The following PTPRN2 variants were observed in gnomAD, a reference collection of about 807,000 sequenced individuals.
The protein encoded by PTPRN2 is protein tyrosine phosphatase receptor type N2.
A neutral mutation model predicts 118.8 loss-of-function variants in PTPRN2; 74 were observed. That is an observed-to-expected ratio of 0.62 (90% confidence interval 0.52 to 0.76). The LOEUF (loss-of-function observed/expected upper bound fraction) is 0.76, where lower values mean the gene tolerates loss of function less well. PTPRN2 is among the 30% of genes least tolerant of loss of function. The pLI, the probability that PTPRN2 is intolerant of heterozygous loss-of-function variation, is 0.00. For missense variants in PTPRN2, 1,481 were observed against 1,394.4 expected, an observed-to-expected ratio of 1.06 and a Z score of -0.99; for synonymous variants, 641 against 608.0, an observed-to-expected ratio of 1.05 and a Z score of -0.80.
chr7:158,040,736 CT>C (rs58192875), intron 11 of PTPRN2, among the ~76,000 whole-genome samples: 2,051 of 142,150 alleles, frequency 0.014, 37 homozygotes, highest in African/African-American at 0.046. Flanking sequence ...TTTTTTCTTT[CT>C]TTTTTTTTTT....
chr7:158,238,592 A>T (rs1266538080), intron 3 of PTPRN2, among the ~76,000 whole-genome samples: 1 of 152,124 alleles, frequency 6.6e-6, no homozygotes, highest in Non-Finnish European at 1.5e-5. Context: ...TTGCTCCAGG[A>T]TGCTTTACTT....
intron 17 of PTPRN2, among the ~76,000 whole-genome samples, chr7:157,580,078 T>G (rs982926694): frequency 6.6e-6 from 1 of 152,202 alleles, no homozygotes; most frequent in Non-Finnish European, 1.5e-5. Context: ...CAATTTCTAA[T>G]CGGGGAGAAG....
chr7:158,528,093 A>G (rs1175039456), intron 1 of PTPRN2, among the ~76,000 whole-genome samples: 4 of 152,254 alleles, frequency 2.6e-5, no homozygotes, highest in Admixed American at 6.5e-5. Context: ...GTGTGAGCAC[A>G]TGGAGGAAGT....
At chr7:157,983,746 GT>G (rs1364838333) in intron 11 of PTPRN2, among the ~76,000 whole-genome samples, 4 of 152,230 alleles carry the variant, frequency 2.6e-5, no homozygotes, top group African/African-American at 9.6e-5. Flanking sequence ...CCTGTGCTGA[GT>G]TGTTCTCATG....
chr7:158,104,903 A>G (rs1459171138), intron 10 of PTPRN2, among the ~76,000 whole-genome samples: 1 of 145,704 alleles, frequency 6.9e-6, no homozygotes, highest in African/African-American at 2.6e-5. Context: ...CTCCACCCTC[A>G]GCTCCATCCC....
chr7:157,612,619 G>A (rs1563261422), intron 15 of PTPRN2, among the ~76,000 whole-genome samples: 1 of 152,214 alleles, frequency 6.6e-6, no homozygotes, highest in Non-Finnish European at 1.5e-5. Flanking sequence ...CAGGGGAGCC[G>A]CAGAAGGCAG....
At chr7:158,295,522 C>T (rs1402817721) in intron 3 of PTPRN2, among the ~76,000 whole-genome samples, 58 of 50,022 alleles carry the variant, frequency 1.2e-3, no homozygotes, top group African/African-American at 4.6e-3. Context: ...TCTCCATGCG[C>T]GTGGTTCACC....
intron 2 of PTPRN2, among the ~76,000 whole-genome samples, 190 bp downstream of exon 2, chr7:158,489,545 C>T (rs1033518911): frequency 1.2e-4 from 18 of 152,240 alleles, no homozygotes; most frequent in African/African-American, 3.6e-4. Flanking sequence ...GCCCAGAACC[C>T]GGGCAACCTC....
At chr7:158,104,402 G>A (rs1301855905) in intron 10 of PTPRN2, among the ~76,000 whole-genome samples, 1 of 152,172 alleles carries the variant, frequency 6.6e-6, no homozygotes, top group Non-Finnish European at 1.5e-5. Flanking sequence ...TCAGGGATTT[G>A]TGGATGGATA....
chr7:157,650,300 C>A (rs1049914172), intron 14 of PTPRN2, among the ~76,000 whole-genome samples: 7 of 152,240 alleles, frequency 4.6e-5, no homozygotes, highest in Non-Finnish European at 7.3e-5. Flanking sequence ...ACACCCCCAC[C>A]CGCCGTGCTG....
chr7:157,631,731 C>A (rs1349852727), intron 14 of PTPRN2, among the ~76,000 whole-genome samples: 1 of 151,822 alleles, frequency 6.6e-6, no homozygotes, highest in Admixed American at 6.6e-5. Context: ...ACACAGGAGG[C>A]TGAGGCAGGA....
Position 157,874,902 on chromosome 7 carries a change from T to C in PTPRN2, c.1788+23771A>G, listed in dbSNP as rs891731848. On this transcript the variant is annotated intron_variant, in intron 12 of 22. Transcript: ENST00000389418. The surrounding 1 kb of genome is among the most constrained non-coding windows in gnomAD (Gnocchi z 5.8). The stretch of plus-strand genomic sequence containing the variant: ...ACACACGGAGACACACTCGTGCACA[T>C]ACACACACACTCATGCACATACACA... Among the ~76,000 whole-genome samples the C allele has an allele frequency of 3.4e-5, 5 of 148,478 alleles. No homozygotes were observed. Among genetic ancestry groups the C allele is most frequent in the African/African-American group, 1.3e-4 (5 of 39,992 alleles).
chr7:158,207,404 A>C (rs544123008), intron 3 of PTPRN2, among the ~76,000 whole-genome samples: 1 of 152,276 alleles, frequency 6.6e-6, no homozygotes, highest in East Asian at 1.9e-4. Context: ...ACAATGGTTG[A>C]ACTAGTTTAC....
intron 10 of PTPRN2, among the ~76,000 whole-genome samples, chr7:158,106,985 G>A (rs1002397829): frequency 2.0e-5 from 3 of 152,138 alleles, no homozygotes; most frequent in African/African-American, 2.4e-5. Context: ...AATCTGTCCT[G>A]TGTGGTTTCC....
At chr7:158,513,547 A>C (rs1357460654) in intron 1 of PTPRN2, among the ~76,000 whole-genome samples, 1 of 152,230 alleles carries the variant, frequency 6.6e-6, no homozygotes, top group Non-Finnish European at 1.5e-5. Context: ...ACTGGATGTG[A>C]AGATATGAGA....
chr7:158,098,587 T>C lies in PTPRN2; in HGVS notation c.1643+12242A>G, dbSNP rs867483445. Among the ~76,000 whole-genome samples the C allele has an allele frequency of 6.6e-5, 10 of 152,172 alleles. No individual in the cohort carries two copies. The East Asian group carries it at 1.7e-3, about 27-fold the overall frequency. The stretch of plus-strand genomic sequence containing the variant: ...GCAGGCACGGGCGAGGCCCAGCTGC[T>C]CTGTGAAACCAGAGGCTCCCCGAGG... On this transcript the variant is annotated intron_variant, in intron 10 of 22. Transcript: ENST00000389418.
At chr7:158,052,338 C>G (rs779099480) in intron 11 of PTPRN2, among the ~76,000 whole-genome samples, 2 of 152,190 alleles carry the variant, frequency 1.3e-5, no homozygotes, top group African/African-American at 4.8e-5. Flanking sequence ...AATTGGATTG[C>G]GAAAGTTAAA....
chr7:158,061,167 AT>A (rs1332090258), intron 11 of PTPRN2, among the ~76,000 whole-genome samples: 1 of 152,246 alleles, frequency 6.6e-6, no homozygotes, highest in Non-Finnish European at 1.5e-5. Flanking sequence ...GCGGTGACTG[AT>A]TACAATCATT....
intron 2 of PTPRN2, among the ~76,000 whole-genome samples, chr7:158,483,209 C>G (rs1249109467): frequency 3.3e-5 from 5 of 152,194 alleles, no homozygotes; most frequent in African/African-American, 9.7e-5. Flanking sequence ...AGGGTTTTCT[C>G]TTATTAATCT....
Sources: gnomAD v4.1 joint callset for allele counts (sites outside exome capture counted in the v4.1 genomes callset) on GRCh38, gnomAD v4.1.1 for gene constraint, Gnocchi (gnomAD v3.1) non-coding constraint, MANE v1.5 for transcripts, NCBI Gene and HGNC (gene_info 2026-07-23, HGNC 2026-07-21) for gene names.